Variants in EDAR observed in about 807,000 individuals in gnomAD.
EDAR encodes tumor necrosis factor receptor superfamily member EDAR.
In EDAR, 38 loss-of-function variants were observed where a neutral mutation model predicts 51.3. The ratio of observed to expected loss-of-function variants is 0.74; its 90% CI spans 0.57 to 0.97. The LOEUF (loss-of-function observed/expected upper bound fraction) is 0.97. Ranked by LOEUF, EDAR falls within the 50% of genes least tolerant of loss-of-function variation. EDAR has a pLI of 0.00. For synonymous variants in EDAR, 227 were observed against 242.1 expected (o/e 0.94, Z 0.58); for missense variants, 528 against 595.0 (o/e 0.89, Z 1.17).
Position 108,945,808 on chromosome 2 carries a change from G to GA in EDAR, c.-18-14777dup, listed in dbSNP as rs527305873. ...TTGCTAAGTAAGATAAGCCAGTCATGAAAGGACAAATATCATGTGATCCCA... is the reference window on the plus strand; with the variant it reads ...TTGCTAAGTAAGATAAGCCAGTCATGAAAAGGACAAATATCATGTGATCCCA... On this transcript the variant is annotated intron_variant, in intron 1 of 11. Transcript: ENST00000258443. 2.0e-4 allele frequency among the ~76,000 whole-genome samples: 30 copies of GA among 152,298 alleles called. No homozygotes were observed. The South Asian group carries it at 6.2e-3, about 32-fold the overall frequency.
At position 108,962,700 on chromosome 2, in the gene EDAR, A is replaced by AAGAG. The variant is rs1553453935; in HGVS notation, c.-19+26256_-19+26259dup. On this transcript the variant is annotated intron_variant, in intron 1 of 11. Transcript: ENST00000258443. ...AAAAAAAAAAAAAAAAAAAAAAAAAAAGAGAGAAAGGAATGCAATTCAAGG... is the reference window on the plus strand; with the variant it reads ...AAAAAAAAAAAAAAAAAAAAAAAAAAAGAGAGAGAGAAAGGAATGCAATTCAAGG... Among the ~76,000 whole-genome samples, 28 of 128,872 alleles carry AAGAG rather than the reference A, an allele frequency of 2.2e-4. 2 individuals are homozygous for AAGAG. The highest frequency in any genetic ancestry group is 6.5e-4 in the African/African-American group (22 of 33,778). 84.5% of individuals were successfully genotyped at this position (128,872 alleles called of 152,430 possible).
At chr2:108,976,163 AC>A (rs1278327760) in intron 1 of EDAR, among the ~76,000 whole-genome samples, 1 of 152,098 alleles carries the variant, frequency 6.6e-6, no homozygotes, top group Non-Finnish European at 1.5e-5. Flanking sequence ...ATCCCACTTT[AC>A]ATTTAATCAT....
At chr2:108,956,804 T>TTTTGG (rs1697935441) in intron 1 of EDAR, among the ~76,000 whole-genome samples, 1 of 152,122 alleles carries the variant, frequency 6.6e-6, no homozygotes, top group African/African-American at 2.4e-5. Flanking sequence ...TTGTTTTTTT[T>TTTTGG]GAGACAGAGT....
intron 1 of EDAR, among the ~76,000 whole-genome samples, chr2:108,954,310 A>G (rs1158756648): frequency 6.6e-6 from 1 of 152,190 alleles, no homozygotes; most frequent in African/African-American, 2.4e-5. Context: ...CCCAAGATAT[A>G]TGGGCTGCCA....
At chr2:108,942,193 G>A (rs759572239) in intron 1 of EDAR, among the ~76,000 whole-genome samples, 1 of 152,248 alleles carries the variant, frequency 6.6e-6, no homozygotes, top group Admixed American at 6.5e-5. Context: ...AGCATTGCAA[G>A]GGAGGCACTC....
chr2:108,978,222 T>A (rs1698361310), intron 1 of EDAR, among the ~76,000 whole-genome samples: 1 of 152,168 alleles, frequency 6.6e-6, no homozygotes, highest in African/African-American at 2.4e-5. Flanking sequence ...TAGGAACTCA[T>A]CATTGGTCTA....
Position 108,975,659 on chromosome 2 carries a change from G to A in EDAR, c.-19+13301C>T, listed in dbSNP as rs1415456218. ...AATAGAGCCGGGGGAACAGGGGTGC[G>A]GTCTGGGAGCTAAGGAGCTTGCGAA... On this transcript the variant is annotated intron_variant, in intron 1 of 11. Transcript: ENST00000258443. Among the ~76,000 whole-genome samples, 11 of 152,116 alleles carry A rather than the reference G, an allele frequency of 7.2e-5. No individual in the cohort carries two copies. In the East Asian group the frequency reaches 7.7e-4, roughly 11 times the overall value.
intron 5 of EDAR, among the ~76,000 whole-genome samples, chr2:108,920,113 G>A (rs1036406043): frequency 2.6e-5 from 4 of 152,186 alleles, no homozygotes; most frequent in African/African-American, 9.7e-5. Context: ...TGTCCACACC[G>A]CCAGTCAGTG....
At position 108,936,928 on chromosome 2, in the gene EDAR, T is replaced by G. The variant is rs931000068; in HGVS notation, c.-18-5896A>C. Among the ~76,000 whole-genome samples, 7 of 152,360 alleles carry G rather than the reference T, an allele frequency of 4.6e-5. No homozygotes were observed. The Middle Eastern group carries it at 0.01, about 222-fold the overall frequency. On this transcript the variant is annotated intron_variant, in intron 1 of 11. Transcript: ENST00000258443. Reference sequence around the variant, plus strand: ...CCAGCCTGAAGTCCTCAGTGATTTCTGACCCATTTCCATTTTGCACTGGGT... The same window carrying G: ...CCAGCCTGAAGTCCTCAGTGATTTCGGACCCATTTCCATTTTGCACTGGGT...
rs373163180 is a variant in EDAR at position 108,910,930 on chromosome 2, C to T, written c.655+17G>A. The T allele has an allele frequency of 4.6e-5, 74 of 1,613,922 alleles. No individual in the cohort carries two copies. The highest frequency in any genetic ancestry group is 3.3e-4 in the Middle Eastern group (2 of 6,082). ...GAGAGTCCAGGAAGCAGGGCACCGGCGCATGGGGGCCGTCACCTGGGGCAG... is the reference window on the plus strand; with the variant it reads ...GAGAGTCCAGGAAGCAGGGCACCGGTGCATGGGGGCCGTCACCTGGGGCAG... On this transcript the variant is annotated intron_variant, in intron 7 of 11. Coordinates refer to ENST00000258443, the MANE Select transcript of EDAR (RefSeq NM_022336.4).
chr2:108,930,331 G>C, intron 2 of EDAR, 89 bp from the exon 3 acceptor site: 1 of 1,518,930 alleles, frequency 6.6e-7, no homozygotes, highest in Non-Finnish European at 9.1e-7. Context: ...ATAGGAAGGG[G>C]GTGCCCTGCG....
chr2:108,975,112 C>T (rs1698299634), intron 1 of EDAR, among the ~76,000 whole-genome samples: 1 of 152,182 alleles, frequency 6.6e-6, no homozygotes. Context: ...GCGAGTGCAG[C>T]AGGGACCCTG....
chr2:108,908,257 C>T (rs963547639), intron 9 of EDAR, among the ~76,000 whole-genome samples: 2 of 152,102 alleles, frequency 1.3e-5, no homozygotes, highest in Non-Finnish European at 2.9e-5. Context: ...GACCTGCAGG[C>T]GTCTAAGGGG....
At chr2:108,988,321 C>T (rs2104499761) in intron 1 of EDAR, among the ~76,000 whole-genome samples, 1 of 152,320 alleles carries the variant, frequency 6.6e-6, no homozygotes, top group Non-Finnish European at 1.5e-5. Flanking sequence ...TGAATCAGAG[C>T]CGACTCCTGT....
intron 1 of EDAR, among the ~76,000 whole-genome samples, chr2:108,931,439 A>G (rs1057228977): frequency 6.6e-6 from 1 of 152,222 alleles, no homozygotes; most frequent in Non-Finnish European, 1.5e-5. Flanking sequence ...GCCAGGAATT[A>G]GATTCTGGTC....
intron 1 of EDAR, among the ~76,000 whole-genome samples, chr2:108,962,402 G>A (rs1341046847): frequency 6.6e-6 from 1 of 152,126 alleles, no homozygotes; most frequent in Non-Finnish European, 1.5e-5. Context: ...GGCCAGACGC[G>A]GTGGCTCACG....
At chr2:108,919,231 G>A (rs1026457677) in intron 5 of EDAR, among the ~76,000 whole-genome samples, 1 of 152,176 alleles carries the variant, frequency 6.6e-6, no homozygotes, top group African/African-American at 2.4e-5. Flanking sequence ...ACGGGAGTAC[G>A]CAGAGTAGCA....
chr2:108,947,355 C>T (rs974352761), intron 1 of EDAR, among the ~76,000 whole-genome samples: 9 of 152,058 alleles, frequency 5.9e-5, no homozygotes, highest in East Asian at 1.9e-4. Flanking sequence ...TGCAAGCTGT[C>T]GGTGGATCTA....
At chr2:108,898,581 A>G (rs149267190) in intron 11 of EDAR, among the ~76,000 whole-genome samples, 14 of 152,344 alleles carry the variant, frequency 9.2e-5, no homozygotes, top group Non-Finnish European at 1.9e-4. Context: ...GAAGATGTCA[A>G]ATGAGTAAAA....
Sources: gnomAD v4.1 joint callset for allele counts (sites outside exome capture counted in the v4.1 genomes callset) on GRCh38, gnomAD v4.1.1 for gene constraint, MANE v1.5 for transcripts, NCBI Gene and HGNC (gene_info 2026-07-23, HGNC 2026-07-21) for gene names.